The following PCDHGA4 variants were observed in gnomAD, a reference collection of about 807,000 sequenced individuals.
PCDHGA4 encodes protocadherin gamma subfamily A, 4.
Under a neutral mutation model 54.6 loss-of-function variants are expected in PCDHGA4, and 38 were observed. The ratio of observed to expected loss-of-function variants is 0.70; its 90% CI spans 0.54 to 0.91. The LOEUF is 0.91. PCDHGA4 is among the 40% of genes least tolerant of loss of function. The pLI is 0.00. For missense variants in PCDHGA4, 1,298 were observed against 1,220.9 expected (o/e 1.06, Z -0.94); for synonymous variants, 511 against 512.9 (o/e 1.00, Z 0.05).
chr5:141,456,698 C>T (rs1466672057), intron 1 of PCDHGA4, among the ~76,000 whole-genome samples: 1 of 152,132 alleles, frequency 6.6e-6, no homozygotes, highest in Non-Finnish European at 1.5e-5. Flanking sequence ...GGCGTGGTGG[C>T]TCGCGCCTGT....
rs1292971375 is a variant in PCDHGA4, at chr5:141,357,205, C to T, written c.2098C>T (p.Pro700Ser). ...TLTVAVADSI[P>S]DVLADLGSLK... is the part of the protein sequence containing the mutation. Reference sequence around the variant, plus strand: ...CACTGTGGCTGTGGCCGACAGCATCCCAGATGTCCTGGCTGACTTGGGCAG... The same window carrying T: ...CACTGTGGCTGTGGCCGACAGCATCTCAGATGTCCTGGCTGACTTGGGCAG... The change falls in exon 1 of 4, where the codon CCA becomes TCA. Residue 700 changes from proline (P) to serine (S), a missense_variant. Transcript: ENST00000571252. 6.2e-7 allele frequency: 1 copy of T among 1,613,850 alleles called. No homozygotes were observed. The highest frequency in any genetic ancestry group is 8.5e-7 in the Non-Finnish European group (1 of 1,179,884).
chr5:141,356,886 C>T lies in PCDHGA4; in HGVS notation c.1779C>T (p.Ile593=). The T allele has an allele frequency of 6.2e-7, 1 of 1,614,206 alleles. No individual in the cohort carries two copies. Among genetic ancestry groups the T allele is most frequent in the Non-Finnish European group, 8.5e-7 (1 of 1,180,036 alleles). Residue 593 remains isoleucine, a synonymous_variant, in exon 1 of 4, where the codon ATC becomes ATT. Transcript: ENST00000571252. ...ACCAGAACGACAATGTCCCTGAGAT[C>T]CTGTACCCCACCTTCCCTACTGATG... is the stretch of plus-strand genomic sequence containing the variant. ...VLDQNDNVPE[I]LYPTFPTDGS...
At chr5:141,410,776 A>G (rs2095422946) in intron 1 of PCDHGA4, 7 of 919,622 alleles carry the variant, frequency 7.6e-6, no homozygotes, top group South Asian at 4.0e-5. Context: ...AGTTTTCACT[A>G]TGTATTTGGT....
At chr5:141,475,903 G>A in intron 1 of PCDHGA4, 1 of 576,064 alleles carries the variant, frequency 1.7e-6, no homozygotes. Context: ...TGCCGCTGTC[G>A]GCCAATGAAG....
Position 141,485,210 on chromosome 5 carries a change from C to G in PCDHGA4, c.2515-9597C>G. 2 of 1,614,058 alleles carry G rather than the reference C, an allele frequency of 1.2e-6. No individual in the cohort carries two copies. The highest frequency in any genetic ancestry group is 1.7e-6 in the Non-Finnish European group (2 of 1,179,934). On this transcript the variant is annotated intron_variant, in intron 1 of 3. Transcript: ENST00000571252. The surrounding 1 kb of genome is among the most constrained non-coding windows in gnomAD (Gnocchi z 5.7). ...GGTGAGAAGCTGGACAGAAATCTGG[C>G]GGTGGGCTACCCTTTTGTTCCTCTT...
At chr5:141,395,224 C>G (rs1442627118) in intron 1 of PCDHGA4, 1 of 1,610,586 alleles carries the variant, frequency 6.2e-7, no homozygotes, top group Admixed American at 1.7e-5. Context: ...AAGAATGAAG[C>G]TGATCATGGT....
chr5:141,363,888 C>T (rs1763099413), intron 1 of PCDHGA4, among the ~76,000 whole-genome samples: 1 of 152,020 alleles, frequency 6.6e-6, no homozygotes, highest in South Asian at 2.1e-4. Flanking sequence ...ACATAGGCTC[C>T]CCCGATGACG....
At chr5:141,380,746 A>G (rs1321659123) in intron 1 of PCDHGA4, among the ~76,000 whole-genome samples, 1 of 152,254 alleles carries the variant, frequency 6.6e-6, no homozygotes, top group African/African-American at 2.4e-5. Context: ...CAAAGAAGGT[A>G]CCAAGACACT....
Position 141,485,168 on chromosome 5 carries a change from G to A in PCDHGA4, c.2515-9639G>A. The A allele has an allele frequency of 6.2e-7, 1 of 1,608,668 alleles. No individual in the cohort carries two copies. Among genetic ancestry groups the A allele is most frequent in the Non-Finnish European group, 8.5e-7 (1 of 1,175,736 alleles). ...GGAGCAAGTAGAGAATTAGCGGGCG[G>A]CAGCAATGCTCCGCAAGGTGAGAAG... is the stretch of plus-strand genomic sequence containing the variant. On this transcript the variant is annotated intron_variant, in intron 1 of 3. Coordinates refer to ENST00000571252, the MANE Select transcript of PCDHGA4 (RefSeq NM_018917.4). This position sits in a 1 kb window ranked among gnomAD's most constrained non-coding sequence, Gnocchi z 5.7.
Position 141,431,135 on chromosome 5 carries a change from A to C in PCDHGA4, c.2515-63672A>C. ...TGGAGTAGAAGTAGAAGTAAGGGAC[A>C]TTAACGACAATGCGCCTTACTTTCG... On this transcript the variant is annotated intron_variant, in intron 1 of 3. Coordinates refer to ENST00000571252, the MANE Select transcript of PCDHGA4 (RefSeq NM_018917.4). The surrounding 1 kb of genome is among the most constrained non-coding windows in gnomAD (Gnocchi z 4.8). 1 of 1,614,266 alleles carries C rather than the reference A, an allele frequency of 6.2e-7. No homozygotes were observed. Among genetic ancestry groups the C allele is most frequent in the Non-Finnish European group, 8.5e-7 (1 of 1,180,042 alleles).
Position 141,485,768 on chromosome 5 carries a change from C to A in PCDHGA4, c.2515-9039C>A, listed in dbSNP as rs759191157. 3.7e-6 allele frequency: 6 copies of A among 1,614,192 alleles called. No individual in the cohort carries two copies. Among genetic ancestry groups the A allele is most frequent in the Middle Eastern group, 1.6e-4 (1 of 6,062 alleles). On this transcript the variant is annotated intron_variant, in intron 1 of 3. Coordinates refer to ENST00000571252, the MANE Select transcript of PCDHGA4 (RefSeq NM_018917.4). The surrounding 1 kb of genome is among the most constrained non-coding windows in gnomAD (Gnocchi z 5.7). ...GGTCCCAGAGCTGCTCCTGGAGAAG[C>A]CTTTGGATCGAGAGAAGCAATCGGA...
chr5:141,422,913 G>T, intron 1 of PCDHGA4: 1 of 1,614,248 alleles, frequency 6.2e-7, no homozygotes, highest in Non-Finnish European at 8.5e-7. Context: ...ATGCGCCCGA[G>T]ATCCTGTACC....
chr5:141,372,132 C>A, intron 1 of PCDHGA4: 1 of 1,613,718 alleles, frequency 6.2e-7, no homozygotes, highest in Non-Finnish European at 8.5e-7. Flanking sequence ...TATGGTGCCG[C>A]GCTCTGCAGA....
intron 1 of PCDHGA4, chr5:141,382,788 ATCCT>A: frequency 1.1e-6 from 1 of 917,668 alleles, no homozygotes; most frequent in Non-Finnish European, 1.7e-6. Flanking sequence ...TCAAGCCTCT[ATCCT>A]GCTGGATTCT....
intron 1 of PCDHGA4, among the ~76,000 whole-genome samples, chr5:141,444,006 G>T (rs1279816416): frequency 2.0e-5 from 3 of 152,012 alleles, no homozygotes; most frequent in Non-Finnish European, 4.4e-5. Flanking sequence ...TGCTACCTGG[G>T]TATTGGCTTC....
At chr5:141,415,909 C>A in intron 1 of PCDHGA4, 1 of 761,030 alleles carries the variant, frequency 1.3e-6, no homozygotes, top group Non-Finnish European at 1.8e-6. Flanking sequence ...GACTTCCATA[C>A]AGAAGTGCCT....
intron 1 of PCDHGA4, chr5:141,374,861 C>T (rs1252622215): frequency 1.9e-6 from 3 of 1,613,638 alleles, no homozygotes; most frequent in Non-Finnish European, 2.5e-6. Flanking sequence ...AGTAGGCACA[C>T]CAGTGTTGGC....
chr5:141,365,483 T>G, intron 1 of PCDHGA4: 1 of 1,614,018 alleles, frequency 6.2e-7, no homozygotes, highest in Non-Finnish European at 8.5e-7. Context: ...GATTGCATGC[T>G]CTATTCCTAG....
rs761938460 is a variant in PCDHGA4 at position 141,393,330 on chromosome 5, AG to A, written c.2514+35710del. On this transcript the variant is annotated intron_variant, in intron 1 of 3. Coordinates refer to ENST00000571252, the MANE Select transcript of PCDHGA4 (RefSeq NM_018917.4). The stretch of plus-strand genomic sequence containing the variant: ...GAACTCCCTCCAGAGCTACCAGCTC[AG>A]CCCCAATCACCACTTCTCCCTGGAC... The A allele has an allele frequency of 3.7e-6, 6 of 1,611,072 alleles. No individual in the cohort carries two copies. In the African/African-American group the frequency reaches 6.8e-5, roughly 18 times the overall value.
Sources: gnomAD v4.1 joint callset for allele counts (sites outside exome capture counted in the v4.1 genomes callset) on GRCh38, gnomAD v4.1.1 for gene constraint, Gnocchi (gnomAD v3.1) non-coding constraint, MANE v1.5 for transcripts, NCBI Gene and HGNC (gene_info 2026-07-23, HGNC 2026-07-21) for gene names.